The following CLCN1 variants were observed in gnomAD, a reference collection of about 807,000 sequenced individuals.
CLCN1 encodes chloride voltage-gated channel 1, also known as chloride channel protein 1.
A neutral mutation model predicts 114.5 loss-of-function variants in CLCN1; 100 were observed. That is an observed-to-expected ratio of 0.87 (90% CI 0.74 to 1.03). The LOEUF is 1.03. Ranked by LOEUF, CLCN1 falls within the 50% of genes least tolerant of loss-of-function variation. The pLI is 0.00. For missense variants in CLCN1, 1,188 were observed against 1,250.0 expected (o/e 0.95, Z 0.75); for synonymous variants, 485 against 487.1 (o/e 1.00, Z 0.06).
chr7:143,343,705 C>CCTTT (rs113028192), intron 16 of CLCN1, among the ~76,000 whole-genome samples: 29,640 of 151,382 alleles, frequency 0.2, 2,927 homozygotes, highest in Non-Finnish European at 0.22. Context: ...TTTCTTCCTT[C>CCTTT]CTTTCTTTCT....
At chr7:143,328,752 G>A (rs1802642638) in intron 7 of CLCN1, among the ~76,000 whole-genome samples, 1 of 152,152 alleles carries the variant, frequency 6.6e-6, no homozygotes, top group Admixed American at 6.5e-5. Flanking sequence ...GTGATGTGAA[G>A]AGCAGGGCAG....
chr7:143,346,031 G>C lies in CLCN1; in HGVS notation c.2173-109G>C, dbSNP rs117082487. On this transcript the variant is annotated intron_variant, in intron 17 of 22. Coordinates refer to ENST00000343257, the MANE Select transcript of CLCN1 (RefSeq NM_000083.3). ...AAAGGGATATAGGAATTTCTGAACT[G>C]GGGGGAAGAATAGAGTTCGCTTTCC... 8,003 of 863,696 alleles carry C rather than the reference G, an allele frequency of 9.3e-3. 75 individuals are homozygous for C. The highest frequency in any genetic ancestry group is 0.013 in the Middle Eastern group (60 of 4,668). 53.5% of individuals were successfully genotyped at this position (863,696 alleles called of 1,614,324 possible).
chr7:143,350,592 G>A lies in CLCN1; in HGVS notation c.2533G>A (p.Gly845Ser), dbSNP rs755433272. 1 of 1,614,070 alleles carries A rather than the reference G, an allele frequency of 6.2e-7. No individual in the cohort carries two copies. Among genetic ancestry groups the A allele is most frequent in the Non-Finnish European group, 8.5e-7 (1 of 1,180,000 alleles). The change falls in exon 22 of 23, where the codon GGC (glycine) becomes AGC (serine). Residue 845 changes from glycine to serine, a missense_variant. Gly to Ser is a moderately conservative substitution (Grantham distance 56). Coordinates refer to ENST00000343257, the MANE Select transcript of CLCN1 (RefSeq NM_000083.3). This position sits in a 1 kb window ranked among gnomAD's most constrained non-coding sequence, Gnocchi z 5.1. ...HKTHTLFSLL[G>S]LHLAYVTSMG... is the part of the protein sequence containing the mutation. ...GACTCATACCCTGTTTTCACTCCTTGGCCTCCACCTCGCTTACGTGACCAG... is the reference window on the plus strand; with the variant it reads ...GACTCATACCCTGTTTTCACTCCTTAGCCTCCACCTCGCTTACGTGACCAG...
chr7:143,345,530 T>A lies in CLCN1; in HGVS notation c.1940T>A (p.Ile647Asn). 1 of 1,537,560 alleles carries A rather than the reference T, an allele frequency of 6.5e-7. No individual in the cohort carries two copies. The highest frequency in any genetic ancestry group is 2.5e-5 in the East Asian group (1 of 40,566). ...CGTGGGTTTCCCTCAGATTCAATGA[T>A]CCTGCTGGGCTCGGTGGAGCGGTCG... ...LPLVDSKDSM[I>N]LLGSVERSEL... The change falls in exon 17 of 23, where the codon ATC becomes AAC. Residue 647 changes from isoleucine (I) to asparagine (N), a missense_variant. Transcript: ENST00000343257.
chr7:143,320,779 T>A lies in CLCN1; in HGVS notation c.417T>A (p.Ser139Arg), dbSNP rs773504729. Residue 139 changes from serine to arginine, a missense_variant, in exon 3 of 23, where the codon AGT becomes AGA. Transcript: ENST00000343257. ...ALVSWSMDYVSAKSLQAYKWS... is the reference protein window; with the variant it reads ...ALVSWSMDYVRAKSLQAYKWS... ...TCAGCTGGAGCATGGACTACGTCAG[T>A]GCCAAAAGCCTTCAGGGTAGGTTTA... The A allele has an allele frequency of 6.2e-7, 1 of 1,613,932 alleles. No homozygotes were observed. Among genetic ancestry groups the A allele is most frequent in the African/African-American group, 1.3e-5 (1 of 74,866 alleles).
chr7:143,342,298 G>A, intron 15 of CLCN1, 74 bp from the exon 16 acceptor site: 1 of 1,582,128 alleles, frequency 6.3e-7, no homozygotes, highest in Non-Finnish European at 8.7e-7. Flanking sequence ...CTGAAAGTAT[G>A]GCAAATCTTA....
At chr7:143,328,969 TC>T (rs112326179) in intron 7 of CLCN1, among the ~76,000 whole-genome samples, 119,491 of 141,906 alleles carry the variant, frequency 0.84, 50,626 homozygotes, top group Non-Finnish European at 0.9. Flanking sequence ...TTTCTTTCTT[TC>T]TTTTTTTTTT....
chr7:143,341,940 C>G lies in CLCN1; in HGVS notation c.1594C>G (p.Leu532Val). 1 of 1,613,456 alleles carries G rather than the reference C, an allele frequency of 6.2e-7. No homozygotes were observed. Among genetic ancestry groups the G allele is most frequent in the Non-Finnish European group, 8.5e-7 (1 of 1,179,904 alleles). ...GGYAVIGAAA[L>V]TGAVSHTVST... Reference sequence around the variant, plus strand: ...CTGTGTCATTCTAGGAGCAGCAGCGCTGACTGGTGCCGTTTCCCACACAGT... The same window carrying G: ...CTGTGTCATTCTAGGAGCAGCAGCGGTGACTGGTGCCGTTTCCCACACAGT... The change falls in exon 15 of 23, where the codon CTG becomes GTG. Residue 532 changes from leucine to valine, a missense_variant. By Grantham distance (32) the Leu-to-Val change is conservative (BLOSUM62 1). Coordinates refer to ENST00000343257, the MANE Select transcript of CLCN1 (RefSeq NM_000083.3).
Position 143,345,670 on chromosome 7 carries a change from G to A in CLCN1, c.2080G>A (p.Gly694Arg), listed in dbSNP as rs754481897. ...TTACGACGGGAAGGCGCGGCTGGCT[G>A]GGGAGGGGCTCCCCGGCGCGCCTCC... ...LPYDGKARLAGEGLPGAPPGR... is the reference protein window; with the variant it reads ...LPYDGKARLAREGLPGAPPGR... Residue 694 changes from glycine to arginine, a missense_variant, in exon 17 of 23, where the codon GGG becomes AGG. Gly to Arg is a moderately radical substitution (Grantham distance 125). Coordinates refer to ENST00000343257, the MANE Select transcript of CLCN1 (RefSeq NM_000083.3). The A allele has an allele frequency of 2.6e-6, 4 of 1,564,230 alleles. No homozygotes were observed. The highest frequency in any genetic ancestry group is 2.3e-5 in the South Asian group (2 of 85,172).
chr7:143,342,024 A>T lies in CLCN1; in HGVS notation c.1678A>T (p.Met560Leu). ...TGQIAHILPM[M>L]VAVILANMVA... ...TCAGATTGCTCACATCCTGCCCATGATGGTGGCTGTTATCTTGGCCAACAT... is the reference window on the plus strand; with the variant it reads ...TCAGATTGCTCACATCCTGCCCATGTTGGTGGCTGTTATCTTGGCCAACAT... Residue 560 changes from methionine to leucine, a missense_variant, in exon 15 of 23, where the codon ATG becomes TTG. Coordinates refer to ENST00000343257, the MANE Select transcript of CLCN1 (RefSeq NM_000083.3). The T allele has an allele frequency of 6.2e-7, 1 of 1,614,212 alleles. No individual in the cohort carries two copies. The highest frequency in any genetic ancestry group is 1.1e-5 in the South Asian group (1 of 91,088).
Position 143,321,286 on chromosome 7 carries a change from A to G in CLCN1, c.434-79A>G. On this transcript the variant is annotated intron_variant, in intron 3 of 22. Transcript: ENST00000343257. This position sits in a 1 kb window ranked among gnomAD's most constrained non-coding sequence, Gnocchi z 4.2. ...CACAGAAGGAGCACGGCCTGAGAACATGCCGGGTACACGTCCTGGTGCCGT... is the reference window on the plus strand; with the variant it reads ...CACAGAAGGAGCACGGCCTGAGAACGTGCCGGGTACACGTCCTGGTGCCGT... 2 of 1,557,372 alleles carry G rather than the reference A, an allele frequency of 1.3e-6. No homozygotes were observed. Among genetic ancestry groups the G allele is most frequent in the South Asian group, 2.3e-5 (2 of 88,082 alleles).
chr7:143,351,459 C>A, intron 22 of CLCN1, 135 bp from the exon 23 acceptor site: 2 of 886,002 alleles, frequency 2.3e-6, no homozygotes, highest in Non-Finnish European at 3.5e-6. Flanking sequence ...TCTCTTTCTC[C>A]CCGTTTTGCC....
At chr7:143,327,104 G>A (rs58349860) in intron 7 of CLCN1, among the ~76,000 whole-genome samples, 53,318 of 151,772 alleles carry the variant, frequency 0.35, 9,699 homozygotes, top group Middle Eastern at 0.47. Flanking sequence ...AAATTAGCTG[G>A]GTGTGGTGGC....
Position 143,324,434 on chromosome 7 carries a change from T to C in CLCN1, c.795T>C (p.Asp265=), listed in dbSNP as rs754860417. ...GVYEQPYYYS[D]ILTVGCAVGV... is the part of the protein sequence containing the mutation. ...AGTAGCAGCCATACTACTACTCTGATATCCTGACGGTGGGCTGTGCTGTGG... is the reference window on the plus strand; with the variant it reads ...AGTAGCAGCCATACTACTACTCTGACATCCTGACGGTGGGCTGTGCTGTGG... The change falls in exon 7 of 23, where the codon GAT becomes GAC. Residue 265 remains aspartate (D), a synonymous_variant. Transcript: ENST00000343257. This position sits in a 1 kb window ranked among gnomAD's most constrained non-coding sequence, Gnocchi z 4.6. 11 of 1,613,826 alleles carry C rather than the reference T, an allele frequency of 6.8e-6. No homozygotes were observed. Among genetic ancestry groups the C allele is most frequent in the Non-Finnish European group, 9.3e-6 (11 of 1,179,970 alleles).
chr7:143,330,665 AC>A, intron 7 of CLCN1, 106 bp from the exon 8 acceptor site: 1 of 1,446,758 alleles, frequency 6.9e-7, no homozygotes, highest in Non-Finnish European at 9.7e-7. Context: ...TACTGCTTCC[AC>A]CCAGATTCAT....
Position 143,321,548 on chromosome 7 carries a change from T to A in CLCN1, c.562+55T>A, listed in dbSNP as rs1363918591. ...GCTGGGTGGCCTGAGAGGGGCCCTG[T>A]CTGTCTCCCCCATCATCCAGCCCCA... On this transcript the variant is annotated intron_variant, in intron 4 of 22. Transcript: ENST00000343257. This position sits in a 1 kb window ranked among gnomAD's most constrained non-coding sequence, Gnocchi z 4.2. 1.2e-6 allele frequency: 2 copies of A among 1,612,716 alleles called. No individual in the cohort carries two copies.
rs753759407 is a variant in CLCN1, at chr7:143,346,958, G to A, written c.2403+9G>A. 1.2e-6 allele frequency: 2 copies of A among 1,610,876 alleles called. No homozygotes were observed. Among genetic ancestry groups the A allele is most frequent in the South Asian group, 1.1e-5 (1 of 91,002 alleles). On this transcript the variant is annotated intron_variant, in intron 20 of 22. Coordinates refer to ENST00000343257, the MANE Select transcript of CLCN1 (RefSeq NM_000083.3). ...ACATGTCACCTGAAGAGGTGAGTAA[G>A]GGAAATGGAAACCTGGGGTGGATTG...
intron 12 of CLCN1, among the ~76,000 whole-genome samples, chr7:143,338,036 G>A (rs1028039892): frequency 2.0e-5 from 3 of 151,704 alleles, no homozygotes; most frequent in African/African-American, 7.3e-5. Context: ...AGTGGAGACA[G>A]GGTTTCACCA....
In CLCN1 at chr7:143,338,180, T is replaced by G. The variant is rs558737542; in HGVS notation, c.1402-1073T>G. On this transcript the variant is annotated intron_variant, in intron 12 of 22. Transcript: ENST00000343257. The stretch of plus-strand genomic sequence containing the variant: ...ACTCTTTGCCTCAAAATGCACATAT[T>G]GCTTTTTGTAAAATGGTCTCAATTT... Among the ~76,000 whole-genome samples, 161 of 152,238 alleles carry G rather than the reference T, an allele frequency of 1.1e-3. 1 individual carries two copies. Among genetic ancestry groups the G allele is most frequent in the African/African-American group, 3.8e-3 (156 of 41,546 alleles).
Sources: allele counts gnomAD v4.1 joint callset (sites outside exome capture counted in the v4.1 genomes callset), GRCh38; gene constraint gnomAD v4.1.1; non-coding constraint Gnocchi (gnomAD v3.1); transcripts MANE v1.5; gene names NCBI Gene and HGNC (gene_info 2026-07-23, HGNC 2026-07-21).